The following OSBPL6 variants were observed in gnomAD, a reference collection of about 807,000 sequenced individuals.
OSBPL6 encodes the protein oxysterol binding protein like 6.
OSBPL6 carries 49 observed loss-of-function variants against 125.8 expected under a neutral mutation model. That is an observed-to-expected ratio of 0.39 (90% CI 0.31 to 0.49). The LOEUF (loss-of-function observed/expected upper bound fraction) is 0.49, where lower values mean the gene tolerates loss of function less well. Ranked by LOEUF, OSBPL6 falls within the 20% of genes least tolerant of loss-of-function variation. The pLI, the probability that OSBPL6 is intolerant of heterozygous loss-of-function variation, is 0.88. For synonymous variants in OSBPL6, 394 were observed against 391.8 expected (o/e 1.01, Z -0.07); for missense variants, 986 against 1,135.4 (o/e 0.87, Z 1.89).
Position 178,394,324 on chromosome 2 carries a change from A to G in OSBPL6, c.2585A>G (p.Glu862Gly). Residue 862 changes from glutamate to glycine, a missense_variant, in exon 24 of 25, where the codon GAA becomes GGA. Glu to Gly is a moderately conservative substitution (Grantham distance 98). Around this residue, in one of 3 missense-constraint regions of OSBPL6, gnomAD observed 843 missense variants for 997.3 expected, o/e 0.85. Coordinates refer to ENST00000190611, the MANE Select transcript of OSBPL6 (RefSeq NM_032523.4). The part of the protein sequence containing the change: ...RFRPDQRFLE[E>G]GNLEAAASEK... ...TGCTTTCTGCTTAGATTTTTGGAAG[A>G]AGGAAATTTAGAAGCTGCAGCATCA... is the stretch of plus-strand genomic sequence containing the variant. The G allele has an allele frequency of 6.2e-7, 1 of 1,612,712 alleles. No homozygotes were observed.
chr2:178,243,899 C>T (rs1191861541), intron 1 of OSBPL6, among the ~76,000 whole-genome samples: 1 of 152,226 alleles, frequency 6.6e-6, no homozygotes, highest in African/African-American at 2.4e-5. Context: ...GATCCGCCTG[C>T]CTCAGCCTCC....
intron 1 of OSBPL6, among the ~76,000 whole-genome samples, chr2:178,223,613 A>G (rs1387277923): frequency 6.6e-6 from 1 of 152,228 alleles, no homozygotes; most frequent in Non-Finnish European, 1.5e-5. Context: ...TTGGGGTAGA[A>G]CTGTTTTTAA....
At chr2:178,380,686 C>A (rs1694390619) in intron 15 of OSBPL6, among the ~76,000 whole-genome samples, 1 of 152,024 alleles carries the variant, frequency 6.6e-6, no homozygotes, top group African/African-American at 2.4e-5. Context: ...TTAATGTAAT[C>A]ACCAGGCAGA....
chr2:178,390,862 G>A (rs572209522), intron 21 of OSBPL6, among the ~76,000 whole-genome samples: 2 of 152,312 alleles, frequency 1.3e-5, no homozygotes, highest in African/African-American at 4.8e-5. Context: ...ATACTACCAT[G>A]TTATGCGTGG....
At chr2:178,309,220 T>A (rs1687044131) in intron 3 of OSBPL6, among the ~76,000 whole-genome samples, 1 of 152,160 alleles carries the variant, frequency 6.6e-6, no homozygotes, top group Non-Finnish European at 1.5e-5. Flanking sequence ...TGAACTTTTA[T>A]AGACCTTTTT....
At chr2:178,341,871 A>G (rs1349756007) in intron 11 of OSBPL6, among the ~76,000 whole-genome samples, 1 of 152,004 alleles carries the variant, frequency 6.6e-6, no homozygotes, top group Non-Finnish European at 1.5e-5. Context: ...ATTCTCTACT[A>G]CTGGGAAGTT....
chr2:178,390,196 TG>T (rs1231733629), intron 21 of OSBPL6, among the ~76,000 whole-genome samples: 1 of 152,242 alleles, frequency 6.6e-6, no homozygotes, highest in East Asian at 1.9e-4. Flanking sequence ...TCTATTTCTT[TG>T]CCTTGACAAA....
intron 4 of OSBPL6, among the ~76,000 whole-genome samples, chr2:178,328,025 T>A (rs771260603): frequency 1.3e-5 from 2 of 152,224 alleles, no homozygotes; most frequent in Non-Finnish European, 2.9e-5. Flanking sequence ...GTGGCTCCAC[T>A]GAGTCTCTGA....
intron 11 of OSBPL6, 96 bp from the exon 12 acceptor site, chr2:178,349,128 T>G: frequency 2.4e-6 from 3 of 1,255,446 alleles, no homozygotes; most frequent in South Asian, 2.4e-5. Context: ...CAGAGAGGAA[T>G]CTATTATTTT....
At chr2:178,274,820 G>A (rs966166753) in intron 1 of OSBPL6, among the ~76,000 whole-genome samples, 7 of 152,114 alleles carry the variant, frequency 4.6e-5, no homozygotes, top group African/African-American at 1.7e-4. Flanking sequence ...TTCAGATATA[G>A]GAGTGTGACT....
intron 1 of OSBPL6, among the ~76,000 whole-genome samples, chr2:178,200,049 A>G (rs2089157026): frequency 6.6e-6 from 1 of 152,120 alleles, no homozygotes; most frequent in African/African-American, 2.4e-5. Flanking sequence ...AAATTTTGTG[A>G]AATAATGAGG....
At chr2:178,310,322 C>CAGT (rs1184818398) in intron 3 of OSBPL6, among the ~76,000 whole-genome samples, 1 of 151,474 alleles carries the variant, frequency 6.6e-6, no homozygotes, top group Non-Finnish European at 1.5e-5. Context: ...GTAGGTCAGT[C>CAGT]AGTAGGTCAG....
chr2:178,275,950 A>G (rs2092460567), intron 1 of OSBPL6, among the ~76,000 whole-genome samples: 1 of 152,234 alleles, frequency 6.6e-6, no homozygotes, highest in Non-Finnish European at 1.5e-5. Flanking sequence ...AATTTTCACA[A>G]GGTCACAGAG....
intron 1 of OSBPL6, among the ~76,000 whole-genome samples, chr2:178,200,087 C>T (rs1428292993): frequency 6.6e-6 from 1 of 152,058 alleles, no homozygotes; most frequent in Non-Finnish European, 1.5e-5. Context: ...TCAAAGCCAG[C>T]AATAAAATAT....
chr2:178,306,146 A>G lies in OSBPL6; in HGVS notation c.-39A>G. Reference sequence around the variant, plus strand: ...TTTGTGGATTTGAGAGAAGATTGGGATGGTCTTAAGTGCATAAAACGAGAC... The same window carrying G: ...TTTGTGGATTTGAGAGAAGATTGGGGTGGTCTTAAGTGCATAAAACGAGAC... On this transcript the variant is annotated 5_prime_UTR_variant, in exon 3 of 25. It removes an upstream start codon present in the reference 5' UTR. Coordinates refer to ENST00000190611, the MANE Select transcript of OSBPL6 (RefSeq NM_032523.4). The G allele has an allele frequency of 8.3e-7, 1 of 1,204,732 alleles. No homozygotes were observed. The highest frequency in any genetic ancestry group is 1.2e-6 in the Non-Finnish European group (1 of 814,074). 74.6% of individuals were successfully genotyped at this position (1,204,732 alleles called of 1,614,324 possible). A position where few individuals can be genotyped will look rare whatever the true frequency, so the allele number is the denominator to read the frequency against.
chr2:178,363,029 A>C (rs1692498477), intron 13 of OSBPL6, among the ~76,000 whole-genome samples: 1 of 152,220 alleles, frequency 6.6e-6, no homozygotes, highest in South Asian at 2.1e-4. Context: ...CGTGAATCAG[A>C]AAGATCAAAA....
chr2:178,322,067 G>A (rs1410732252), intron 3 of OSBPL6, among the ~76,000 whole-genome samples: 3 of 152,118 alleles, frequency 2.0e-5, no homozygotes, highest in African/African-American at 7.2e-5. Flanking sequence ...ATCTATACAG[G>A]AAAAATTTAT....
At chr2:178,350,565 T>C (rs1691160261) in intron 12 of OSBPL6, among the ~76,000 whole-genome samples, 3 of 152,216 alleles carry the variant, frequency 2.0e-5, no homozygotes, top group African/African-American at 7.2e-5. Context: ...ATTAATTCTA[T>C]GATTCTAAAA....
At chr2:178,198,888 C>T (rs1479406310) in intron 1 of OSBPL6, among the ~76,000 whole-genome samples, 3 of 152,022 alleles carry the variant, frequency 2.0e-5, no homozygotes, top group African/African-American at 7.3e-5. Context: ...CTAAAATGAC[C>T]AAGGATAATT....
Sources: gnomAD v4.1 joint callset for allele counts (sites outside exome capture counted in the v4.1 genomes callset) on GRCh38, gnomAD v4.1.1 for gene constraint, gnomAD v4.1.1 regional missense constraint, MANE v1.5 for transcripts, NCBI Gene and HGNC (gene_info 2026-07-23, HGNC 2026-07-21) for gene names.